TM6SF1: variants seen among roughly 807,000 people sequenced by gnomAD.
TM6SF1 encodes transmembrane 6 superfamily member 1.
In TM6SF1, 43 loss-of-function variants were observed where a neutral mutation model predicts 47.1. The observed-to-expected ratio is 0.91, with a 90% CI of 0.72 to 1.18. The LOEUF is 1.18. Ranked by LOEUF, TM6SF1 falls within the 50% of genes most tolerant of loss-of-function variation. The pLI, the probability that TM6SF1 is intolerant of heterozygous loss-of-function variation, is 0.00. For synonymous variants in TM6SF1, 177 were observed against 166.3 expected (o/e 1.06, Z -0.49); for missense variants, 390 against 449.0 (o/e 0.87, Z 1.19).
At chr15:83,126,652 C>A in intron 7 of TM6SF1, 103 bp from the exon 8 acceptor site, 1 of 904,516 alleles carries the variant, frequency 1.1e-6, no homozygotes, top group Non-Finnish European at 1.7e-6. Flanking sequence ...TTTTGTTAAA[C>A]AGCAAAGCAG....
At position 83,124,718 on chromosome 15, in the gene TM6SF1, AT is replaced by A. The variant is rs1310999748; in HGVS notation, c.653del (p.Leu218Ter). The A allele has an allele frequency of 6.2e-7, 1 of 1,614,142 alleles. No individual in the cohort carries two copies. The stretch of plus-strand genomic sequence containing the variant: ...AAAGACCTGCTGAGAAGACCATTTG[AT>A]TTAATGTTGGTTGTGTGTCTCCTCC... Reference protein sequence around the residue: ...QAKDLLRRPFDLMLVVCLLLA... With the variant: ...QAKDLLRRPFXLMLVVCLLLA... On this transcript the variant is annotated frameshift_variant, in exon 7 of 10. Transcript: ENST00000322019. LOFTEE classifies it high-confidence loss of function.
At chr15:83,118,079 A>G (rs1185043494) in intron 3 of TM6SF1, among the ~76,000 whole-genome samples, 4 of 152,222 alleles carry the variant, frequency 2.6e-5, no homozygotes, top group Non-Finnish European at 4.4e-5. Context: ...TAGAGAGGCC[A>G]TGGCTGGCCT....
chr15:83,127,690 G>T (rs1596515642), intron 9 of TM6SF1: 8 of 459,302 alleles, frequency 1.7e-5, no homozygotes, highest in Non-Finnish European at 2.7e-5. Context: ...CAGTTACACA[G>T]ATGAGGAAGT....
intron 3 of TM6SF1, among the ~76,000 whole-genome samples, chr15:83,118,493 C>G (rs2034905298): frequency 6.6e-6 from 1 of 152,160 alleles, no homozygotes; most frequent in Non-Finnish European, 1.5e-5. Flanking sequence ...AGAGCAAGTC[C>G]AAGAGAAGGG....
intron 7 of TM6SF1, 150 bp downstream of exon 7, chr15:83,124,926 C>T (rs2035596829): frequency 3.1e-6 from 2 of 651,202 alleles, no homozygotes; most frequent in South Asian, 1.9e-5. Flanking sequence ...AGCCCTGGAC[C>T]TGCTTCCTGC....
chr15:83,109,732 C>T (rs1439844634), intron 1 of TM6SF1, among the ~76,000 whole-genome samples: 1 of 152,138 alleles, frequency 6.6e-6, no homozygotes, highest in Non-Finnish European at 1.5e-5. Context: ...GCCTCGGCCC[C>T]CCAGTCCCAG....
At chr15:83,125,422 T>A (rs75565447) in intron 7 of TM6SF1, among the ~76,000 whole-genome samples, 3,629 of 152,284 alleles carry the variant, frequency 0.024, 134 homozygotes, top group African/African-American at 0.082. Context: ...ACTAGCTGTG[T>A]GGCCTTGGAA....
intron 9 of TM6SF1, chr15:83,133,112 CCGAGG>C (rs2151384935): frequency 6.6e-6 from 1 of 152,338 alleles, no homozygotes; most frequent in Non-Finnish European, 1.5e-5. Context: ...CACACCTCAC[CCGAGG>C]CCATACGGCT....
At chr15:83,112,700 T>C (rs1324140574) in intron 1 of TM6SF1, 97 bp from the exon 2 acceptor site, 2 of 861,438 alleles carry the variant, frequency 2.3e-6, no homozygotes, top group African/African-American at 3.3e-5. Flanking sequence ...GGATGAATTA[T>C]GCAGCACTAG....
rs536362928 is a variant in TM6SF1 at position 83,107,922 on chromosome 15, A to T, written c.92+150A>T. 1 of 1,290,454 alleles carries T rather than the reference A, an allele frequency of 7.7e-7. No homozygotes were observed. The highest frequency in any genetic ancestry group is 9.8e-7 in the Non-Finnish European group (1 of 1,016,240). The allele number at this position is 1,290,454 out of a possible 1,614,324, so 79.9% of individuals were successfully genotyped here. A position where few individuals can be genotyped will look rare whatever the true frequency, so the allele number is the denominator to read the frequency against. On this transcript the variant is annotated intron_variant, in intron 1 of 9. Coordinates refer to ENST00000322019, the MANE Select transcript of TM6SF1 (RefSeq NM_023003.5). The surrounding 1 kb of genome is among the most constrained non-coding windows in gnomAD (Gnocchi z 5.6). ...GCAGGGGCTCCCCGCGCCTGGCCAG[A>T]CTAGGGGGGCGCCCCAGGGGTCGCA...
Position 83,136,761 on chromosome 15 carries a change from C to G in TM6SF1, c.*89C>G, listed in dbSNP as rs866262617. On this transcript the variant is annotated 3_prime_UTR_variant, in exon 10 of 10. Transcript: ENST00000322019. ...TGTCCCATTTCACTCTCTTCTCATA[C>G]GTGAGTACTTAAGAATATGTACATT... is the stretch of plus-strand genomic sequence containing the variant. The G allele has an allele frequency of 1.9e-6, 2 of 1,074,598 alleles. No individual in the cohort carries two copies. The highest frequency in any genetic ancestry group is 2.7e-6 in the Non-Finnish European group (2 of 740,516). 66.6% of individuals were successfully genotyped at this position (1,074,598 alleles called of 1,614,324 possible).
At position 83,124,745 on chromosome 15, in the gene TM6SF1, T is replaced by C. The variant is rs773902599; in HGVS notation, c.677T>C (p.Leu226Pro). 1.2e-6 allele frequency: 2 copies of C among 1,614,056 alleles called. No homozygotes were observed. The highest frequency in any genetic ancestry group is 2.2e-5 in the East Asian group (1 of 44,892). Residue 226 changes from leucine to proline, a missense_variant, in exon 7 of 10, where the codon CTG (leucine) becomes CCG (proline). Transcript: ENST00000322019. ...TTAATGTTGGTTGTGTGTCTCCTCCTGGCAACTGGATTTTGCCTGTTCAGA... is the reference window on the plus strand; with the variant it reads ...TTAATGTTGGTTGTGTGTCTCCTCCCGGCAACTGGATTTTGCCTGTTCAGA... ...FDLMLVVCLLLATGFCLFRGL... is the reference protein window; with the variant it reads ...FDLMLVVCLLPATGFCLFRGL...
rs1354354551 is a variant in TM6SF1, at chr15:83,136,733, T to G, written c.*61T>G. ...AACTTTTGTTATACTGGTACTGATATTTTGTCCCATTTCACTCTCTTCTCA... is the reference window on the plus strand; with the variant it reads ...AACTTTTGTTATACTGGTACTGATAGTTTGTCCCATTTCACTCTCTTCTCA... On this transcript the variant is annotated 3_prime_UTR_variant, in exon 10 of 10. Transcript: ENST00000322019. The G allele has an allele frequency of 1.4e-6, 2 of 1,400,342 alleles. No individual in the cohort carries two copies. Among genetic ancestry groups the G allele is most frequent in the Admixed American group, 4.3e-5 (2 of 46,576 alleles). 86.7% of individuals were successfully genotyped at this position (1,400,342 alleles called of 1,614,324 possible).
At chr15:83,120,240 C>G (rs1253710838) in intron 4 of TM6SF1, among the ~76,000 whole-genome samples, 1 of 152,222 alleles carries the variant, frequency 6.6e-6, no homozygotes, top group East Asian at 1.9e-4. Context: ...TCATGATATG[C>G]TAGCTTGGTC....
intron 6 of TM6SF1, among the ~76,000 whole-genome samples, chr15:83,123,728 A>G (rs2035476837): frequency 6.6e-6 from 1 of 152,208 alleles, no homozygotes; most frequent in South Asian, 2.1e-4. Context: ...AAAAAGAAAA[A>G]GCAAATAGTC....
intron 9 of TM6SF1, chr15:83,133,675 C>T (rs539385043): frequency 6.6e-6 from 1 of 152,352 alleles, no homozygotes; most frequent in Non-Finnish European, 1.5e-5. Flanking sequence ...CCACCTGACC[C>T]CAGCACAGGC....
intron 9 of TM6SF1, chr15:83,135,987 G>C (rs1017887875): frequency 1.3e-5 from 2 of 152,280 alleles, no homozygotes; most frequent in African/African-American, 4.8e-5. Flanking sequence ...GATAAATGAA[G>C]CTGAGGTCCC....
Position 83,121,972 on chromosome 15 carries a change from T to C in TM6SF1, c.450T>C (p.Ser150=). 1 of 1,611,532 alleles carries C rather than the reference T, an allele frequency of 6.2e-7. No individual in the cohort carries two copies. The highest frequency in any genetic ancestry group is 8.5e-7 in the Non-Finnish European group (1 of 1,179,382). ...ATTGGGTTGGATCTATTATTATGAG[T>C]GTTGTTGTTTTTGTGCCAGGAAACA... ...GLYWVGSIIM[S]VVVFVPGNIV... The change falls in exon 5 of 10, where the codon AGT becomes AGC. Residue 150 remains serine, a synonymous_variant. Transcript: ENST00000322019.
intron 2 of TM6SF1, chr15:83,115,180 T>TA: frequency 3.0e-4 from 49 of 162,714 alleles, no homozygotes; most frequent in South Asian, 1.2e-3. Context: ...TGCAGTGGTG[T>TA]GATCTCGGCT....
Sources: allele counts gnomAD v4.1 joint callset (sites outside exome capture counted in the v4.1 genomes callset), GRCh38; gene constraint gnomAD v4.1.1; non-coding constraint Gnocchi (gnomAD v3.1); transcripts MANE v1.5; gene names NCBI Gene and HGNC (gene_info 2026-07-23, HGNC 2026-07-21).